Variants in CRIPTO observed in about 807,000 individuals in gnomAD.
CRIPTO encodes the protein cripto, EGF-CFC family member.
the CRIPTO span, chr3:46,580,002 G>A: frequency 1.2e-6 from 2 of 1,614,270 alleles, no homozygotes; most frequent in Non-Finnish European, 1.7e-6. Context: ...AGTGTTCCCT[G>A]TGTAAATGCT....
the CRIPTO span, chr3:46,579,872 C>G: frequency 6.2e-7 from 1 of 1,614,108 alleles, no homozygotes; most frequent in South Asian, 1.1e-5. Context: ...TTCAGAGGGG[C>G]GGGGAGCCGT....
chr3:46,582,275 A>G, the CRIPTO span: 4 of 152,220 alleles, frequency 2.6e-5, no homozygotes, highest in Non-Finnish European at 1.5e-5. Flanking sequence ...CAATGTCCCC[A>G]ACAAGATTGC....
chr3:46,579,347 G>A, the CRIPTO span: 6 of 1,613,928 alleles, frequency 3.7e-6, no homozygotes, highest in Non-Finnish European at 5.1e-6. Context: ...AGCGTGTGCC[G>A]CCCATGGGGA....
At chr3:46,579,266 G>A in the CRIPTO span, 1 of 1,614,108 alleles carries the variant, frequency 6.2e-7, no homozygotes, top group East Asian at 2.2e-5. Context: ...GTCCATCTCG[G>A]GGATACCTGG....
the CRIPTO span, among the ~76,000 whole-genome samples, chr3:46,580,299 A>C: frequency 1.3e-3 from 197 of 152,308 alleles, no homozygotes; most frequent in Middle Eastern, 6.8e-3. Context: ...TTTCAAGTCT[A>C]TTTGACATTT....
the CRIPTO span, chr3:46,580,135 C>T: frequency 1.3e-6 from 2 of 1,593,536 alleles, no homozygotes; most frequent in South Asian, 1.1e-5. Flanking sequence ...AGTTAGCAGG[C>T]TCTCCTTGTA....
At chr3:46,580,581 C>G in the CRIPTO span, among the ~76,000 whole-genome samples, 1 of 141,824 alleles carries the variant, frequency 7.1e-6, no homozygotes, top group Non-Finnish European at 1.6e-5. Flanking sequence ...GTCACAGAAC[C>G]CTTTCACCTT....
the CRIPTO span, among the ~76,000 whole-genome samples, chr3:46,576,260 G>C: frequency 6.6e-6 from 1 of 152,030 alleles, no homozygotes; most frequent in Admixed American, 6.6e-5. Flanking sequence ...ATGAGGTCAG[G>C]AATTTGAGAC....
At chr3:46,575,409 C>T in the CRIPTO span, among the ~76,000 whole-genome samples, 1 of 152,146 alleles carries the variant, frequency 6.6e-6, no homozygotes, top group East Asian at 1.9e-4. Flanking sequence ...CCCTTCTCCC[C>T]ACCCCCCATC....
the CRIPTO span, chr3:46,579,739 G>A: frequency 1.2e-6 from 2 of 1,612,590 alleles, no homozygotes; most frequent in Non-Finnish European, 1.7e-6. Context: ...TACCTTTCAG[G>A]TAAGGAGCTA....
At chr3:46,579,102 T>C in the CRIPTO span, 2 of 1,614,092 alleles carry the variant, frequency 1.2e-6, no homozygotes, top group Non-Finnish European at 8.5e-7. Context: ...TAGTGTGATT[T>C]GGATCATGGC....
At chr3:46,579,458 G>C in the CRIPTO span, 2 of 1,603,684 alleles carry the variant, frequency 1.2e-6, no homozygotes, top group Non-Finnish European at 1.7e-6. Flanking sequence ...AAGGGCACCT[G>C]GTTCTGGAAC....
At chr3:46,581,853 T>C in the CRIPTO span, 1 of 177,068 alleles carries the variant, frequency 5.6e-6, no homozygotes, top group Admixed American at 5.9e-5. Flanking sequence ...GTCTTCTTAA[T>C]ATGTTCTTTT....
At chr3:46,579,264 C>T in the CRIPTO span, 4 of 1,614,052 alleles carry the variant, frequency 2.5e-6, no homozygotes, top group Admixed American at 1.7e-5. Context: ...TCGTCCATCT[C>T]GGGGATACCT....
the CRIPTO span, chr3:46,581,653 G>A: frequency 1.9e-6 from 1 of 524,872 alleles, no homozygotes; most frequent in South Asian, 3.2e-5. Context: ...GGGATTACAG[G>A]CATGTGTCAC....
chr3:46,579,549 C>T, the CRIPTO span: 2 of 1,225,940 alleles, frequency 1.6e-6, no homozygotes, highest in South Asian at 1.3e-5. Context: ...CAGTTTTCCT[C>T]CCCTGAGTCC....
At chr3:46,579,138 T>C in the CRIPTO span, 1 of 1,614,184 alleles carries the variant, frequency 6.2e-7, no homozygotes, top group Non-Finnish European at 8.5e-7. Context: ...TGAACTGGGA[T>C]TAGTTGCCGG....
At chr3:46,578,130 T>A in the CRIPTO span, 1 of 1,006,090 alleles carries the variant, frequency 9.9e-7, no homozygotes. Context: ...CCAACCGCAC[T>A]GCTGTTTTTC....
At chr3:46,577,828 T>A in the CRIPTO span, 1 of 980,780 alleles carries the variant, frequency 1.0e-6, no homozygotes, top group Non-Finnish European at 1.6e-6. Flanking sequence ...TGCTACGACC[T>A]TCTGGGGAAA....
Sources: gnomAD v4.1 joint callset for allele counts (sites outside exome capture counted in the v4.1 genomes callset) on GRCh38, gnomAD v4.1.1 for gene constraint, MANE v1.5 for transcripts, NCBI Gene and HGNC (gene_info 2026-07-23, HGNC 2026-07-21) for gene names.